PAWR: variants seen among roughly 807,000 people sequenced by gnomAD.
The protein encoded by PAWR is PRKC apoptosis WT1 regulator protein.
PAWR carries 23 observed loss-of-function variants against 32.0 expected under a neutral mutation model. The observed-to-expected ratio is 0.72, with a 90% CI of 0.52 to 1.02. The LOEUF is 1.02. PAWR is among the 50% of genes least tolerant of loss of function. PAWR has a pLI of 0.00. For missense variants in PAWR, 457 were observed against 437.7 expected, an observed-to-expected ratio of 1.04 and a Z score of -0.39; for synonymous variants, 226 against 187.1, an observed-to-expected ratio of 1.21 and a Z score of -1.70.
In PAWR at chr12:79,596,463, C is replaced by T. The variant is rs2307226; in HGVS notation, c.831+48G>A. 3.0e-5 allele frequency: 28 copies of T among 920,548 alleles called. 1 individual carries two copies. Among genetic ancestry groups the T allele is most frequent in the Admixed American group, 1.6e-4 (6 of 38,338 alleles). The allele number at this position is 920,548 out of a possible 1,614,324, so 57.0% of individuals were successfully genotyped here. A position where few individuals can be genotyped will look rare whatever the true frequency, so the allele number is the denominator to read the frequency against. On this transcript the variant is annotated intron_variant, in intron 5 of 6. Coordinates refer to ENST00000328827, the MANE Select transcript of PAWR (RefSeq NM_002583.4). ...TCAGTTGCTATGAAACAAAAGAATTCTAATGGTATATTAATTTTATCAATC... is the reference window on the plus strand; with the variant it reads ...TCAGTTGCTATGAAACAAAAGAATTTTAATGGTATATTAATTTTATCAATC...
chr12:79,649,043 T>C (rs1032418444), intron 2 of PAWR, among the ~76,000 whole-genome samples: 1 of 152,186 alleles, frequency 6.6e-6, no homozygotes, highest in African/African-American at 2.4e-5. Context: ...ACAGACTCAG[T>C]TGGTAAATAC....
At chr12:79,614,025 T>A (rs1434026553) in intron 3 of PAWR, among the ~76,000 whole-genome samples, 3 of 86,112 alleles carry the variant, frequency 3.5e-5, no homozygotes, top group Non-Finnish European at 7.0e-5. Flanking sequence ...TTTTTTTTTT[T>A]TTGAGAAGGA....
At chr12:79,674,771 A>G (rs1878080303) in intron 2 of PAWR, among the ~76,000 whole-genome samples, 1 of 152,196 alleles carries the variant, frequency 6.6e-6, no homozygotes, top group African/African-American at 2.4e-5. Context: ...ACTTCTCAAA[A>G]CATGACATAC....
chr12:79,656,132 G>A (rs1354436179), intron 2 of PAWR, among the ~76,000 whole-genome samples: 1 of 152,218 alleles, frequency 6.6e-6, no homozygotes, highest in East Asian at 1.9e-4. Context: ...AGGTGAGACA[G>A]AACGGGCAGA....
Position 79,690,190 on chromosome 12 carries a change from A to G in PAWR, c.55T>C (p.Phe19Leu). Residue 19 changes from phenylalanine to leucine, a missense_variant, in exon 2 of 7, where the codon TTC becomes CTC. Coordinates refer to ENST00000328827, the MANE Select transcript of PAWR (RefSeq NM_002583.4). ...CGTTTCGCCTTCCACTCCTCCAGGA[A>G]GTCTGTGGTGCTGCCGCCGAGGCCG... ...SSGLGGSTTD[F>L]LEEWKAKREK... 1 of 1,533,042 alleles carries G rather than the reference A, an allele frequency of 6.5e-7. No individual in the cohort carries two copies. Among genetic ancestry groups the G allele is most frequent in the Non-Finnish European group, 8.7e-7 (1 of 1,143,620 alleles). 95.0% of individuals were successfully genotyped at this position (1,533,042 alleles called of 1,614,324 possible).
intron 2 of PAWR, among the ~76,000 whole-genome samples, chr12:79,641,474 A>G (rs1876317444): frequency 6.6e-6 from 1 of 152,224 alleles, no homozygotes; most frequent in Non-Finnish European, 1.5e-5. Flanking sequence ...TATGACAATT[A>G]GCTTATTCTC....
intron 2 of PAWR, among the ~76,000 whole-genome samples, chr12:79,644,771 CTAAACAGGT>C (rs1203137339): frequency 2.6e-5 from 4 of 152,094 alleles, no homozygotes; most frequent in Admixed American, 1.3e-4. Flanking sequence ...CCCTTAGATT[CTAAACAGGT>C]TTGCATTTAC....
intron 2 of PAWR, among the ~76,000 whole-genome samples, chr12:79,638,773 G>T (rs1311249601): frequency 3.8e-5 from 5 of 132,542 alleles, no homozygotes; most frequent in African/African-American, 1.1e-4. Context: ...AAGTCCAAAT[G>T]CTATCATTAT....
intron 3 of PAWR, among the ~76,000 whole-genome samples, chr12:79,614,507 T>C (rs984199655): frequency 1.3e-5 from 2 of 152,176 alleles, no homozygotes; most frequent in Non-Finnish European, 2.9e-5. Context: ...AAAGTTAACA[T>C]TAACCATTGG....
chr12:79,623,745 A>G (rs1191331683), intron 2 of PAWR, among the ~76,000 whole-genome samples: 1 of 152,190 alleles, frequency 6.6e-6, no homozygotes, highest in African/African-American at 2.4e-5. Flanking sequence ...TCATGAAGAA[A>G]TTTATTTGGA....
intron 2 of PAWR, among the ~76,000 whole-genome samples, chr12:79,626,331 C>T (rs1383250513): frequency 1.3e-5 from 2 of 148,432 alleles, no homozygotes; most frequent in African/African-American, 4.9e-5. Context: ...GTGATCTCGG[C>T]TCACTGCAAG....
intron 3 of PAWR, among the ~76,000 whole-genome samples, chr12:79,620,414 C>T (rs1874947585): frequency 6.6e-6 from 1 of 152,116 alleles, no homozygotes; most frequent in African/African-American, 2.4e-5. Context: ...ATAGAGAATT[C>T]AAGTCCAAGC....
chr12:79,608,611 G>A (rs1874303178), intron 4 of PAWR, among the ~76,000 whole-genome samples: 1 of 152,140 alleles, frequency 6.6e-6, no homozygotes, highest in Admixed American at 6.5e-5. Flanking sequence ...CAAATTAAAT[G>A]CATTTATGTT....
intron 2 of PAWR, among the ~76,000 whole-genome samples, chr12:79,659,990 ATAATAG>A (rs758665010): frequency 2.0e-5 from 3 of 152,254 alleles, no homozygotes; most frequent in Non-Finnish European, 4.4e-5. Context: ...GCTGCAGGAA[ATAATAG>A]TAAAAAGAAA....
rs531063233 is a variant in PAWR at position 79,642,742 on chromosome 12, C to T, written c.517-21535G>A. Among the ~76,000 whole-genome samples, 10 of 152,212 alleles carry T rather than the reference C, an allele frequency of 6.6e-5. No homozygotes were observed. In the East Asian group the frequency reaches 7.7e-4, roughly 12 times the overall value. On this transcript the variant is annotated intron_variant, in intron 2 of 6. Transcript: ENST00000328827. ...TTCATATTGGGGGCTAGGGTTTCAA[C>T]ATATGAATTTGAGAGAGACAAAACT...
intron 2 of PAWR, among the ~76,000 whole-genome samples, chr12:79,688,689 A>T (rs943086593): frequency 2.0e-5 from 3 of 152,208 alleles, no homozygotes; most frequent in African/African-American, 7.2e-5. Context: ...ATTTAGGTAT[A>T]TTTAATATAC....
At chr12:79,593,914 G>C (rs576270257) in intron 6 of PAWR, among the ~76,000 whole-genome samples, 160 of 151,704 alleles carry the variant, frequency 1.1e-3, no homozygotes, top group African/African-American at 3.2e-3. Flanking sequence ...ATGTTGGCCA[G>C]GCTGGTCTCG....
intron 2 of PAWR, among the ~76,000 whole-genome samples, chr12:79,651,864 C>T (rs186779546): frequency 6.6e-6 from 1 of 152,108 alleles, no homozygotes; most frequent in South Asian, 2.1e-4. Context: ...CCAGTATCTA[C>T]CAAGCTACCA....
At chr12:79,677,576 T>G (rs1330155166) in intron 2 of PAWR, among the ~76,000 whole-genome samples, 4 of 152,220 alleles carry the variant, frequency 2.6e-5, no homozygotes, top group African/African-American at 7.2e-5. Flanking sequence ...GTTAAATTTA[T>G]AAGTAATATT....
Sources: gnomAD v4.1 joint callset for allele counts (sites outside exome capture counted in the v4.1 genomes callset) on GRCh38, gnomAD v4.1.1 for gene constraint, MANE v1.5 for transcripts, NCBI Gene and HGNC (gene_info 2026-07-23, HGNC 2026-07-21) for gene names.